MAST4: variants seen among roughly 807,000 people sequenced by gnomAD.
The protein encoded by MAST4 is microtubule-associated serine/threonine-protein kinase 4.
Under a neutral mutation model 162.7 loss-of-function variants are expected in MAST4, and 89 were observed. The ratio of observed to expected loss-of-function variants is 0.55; its 90% CI spans 0.46 to 0.65. The LOEUF (loss-of-function observed/expected upper bound fraction) is 0.65, where lower values mean the gene tolerates loss of function less well. Ranked by LOEUF, MAST4 falls within the 30% of genes least tolerant of loss-of-function variation. The pLI, the probability that MAST4 is intolerant of heterozygous loss-of-function variation, is 0.00. For missense variants in MAST4, 3,153 were observed against 3,374.0 expected (o/e 0.93, Z 1.62); for synonymous variants, 1,479 against 1,361.1 (o/e 1.09, Z -1.91).
chr5:67,103,511 G>C (rs77078051), intron 9 of MAST4, among the ~76,000 whole-genome samples: 2,188 of 152,318 alleles, frequency 0.014, 49 homozygotes, highest in African/African-American at 0.047. Context: ...GGATATTAGA[G>C]GGGAGGAGGA....
intron 4 of MAST4, among the ~76,000 whole-genome samples, chr5:67,013,886 A>G (rs1222071410): frequency 1.3e-5 from 2 of 152,206 alleles, no homozygotes; most frequent in Non-Finnish European, 2.9e-5. Context: ...GTTACTGTAA[A>G]ACAATAGGCA....
In MAST4 at chr5:66,942,713, C is replaced by T. The variant is rs556245275; in HGVS notation, c.674+42731C>T. 5.3e-5 allele frequency among the ~76,000 whole-genome samples: 8 copies of T among 151,996 alleles called. No homozygotes were observed. In the East Asian group the frequency reaches 7.7e-4, roughly 15 times the overall value. ...CCTGTCATGATAAAGTAGCCATGAT[C>T]GATGTCATGCTTCCAATGTTTGAAT... On this transcript the variant is annotated intron_variant, in intron 4 of 28. Coordinates refer to ENST00000403625, the MANE Select transcript of MAST4 (RefSeq NM_001164664.2).
chr5:66,992,198 A>G (rs981872420), intron 4 of MAST4, among the ~76,000 whole-genome samples: 9 of 152,176 alleles, frequency 5.9e-5, no homozygotes, highest in Non-Finnish European at 8.8e-5. Flanking sequence ...TTTTCATGTA[A>G]TGCATTACCA....
At chr5:66,896,633 A>T (rs1762703437) in intron 3 of MAST4, among the ~76,000 whole-genome samples, 1 of 152,254 alleles carries the variant, frequency 6.6e-6, no homozygotes, top group African/African-American at 2.4e-5. Context: ...ATGTATAGCC[A>T]TATTGTTTTG....
intron 2 of MAST4, among the ~76,000 whole-genome samples, chr5:66,770,910 G>C (rs374303625): frequency 2.0e-5 from 3 of 152,316 alleles, no homozygotes; most frequent in East Asian, 1.9e-4. Flanking sequence ...CCCCTTTGCA[G>C]AGCAAAAGGT....
chr5:66,864,641 A>G (rs913105900), intron 3 of MAST4, among the ~76,000 whole-genome samples: 3 of 123,564 alleles, frequency 2.4e-5, no homozygotes, highest in African/African-American at 7.8e-5. Flanking sequence ...GGGTTGAATT[A>G]TGTCCCCCCC....
chr5:66,822,412 A>G (rs1230757477), intron 3 of MAST4, among the ~76,000 whole-genome samples: 2 of 152,240 alleles, frequency 1.3e-5, no homozygotes, highest in African/African-American at 2.4e-5. Flanking sequence ...GATGTGTATT[A>G]TGCCTGGCAT....
chr5:66,980,861 G>A (rs1748719020), intron 4 of MAST4, among the ~76,000 whole-genome samples: 1 of 152,152 alleles, frequency 6.6e-6, no homozygotes. Flanking sequence ...GTATTCTGGG[G>A]CAGTCAAGAA....
intron 3 of MAST4, among the ~76,000 whole-genome samples, chr5:66,798,295 T>TAC (rs980365451): frequency 9.2e-5 from 14 of 152,200 alleles, no homozygotes; most frequent in African/African-American, 3.1e-4. Context: ...TTGTTCAGGG[T>TAC]ACATCAGCTT....
At chr5:66,981,802 T>C (rs1229149474) in intron 4 of MAST4, among the ~76,000 whole-genome samples, 1 of 152,162 alleles carries the variant, frequency 6.6e-6, no homozygotes, top group Non-Finnish European at 1.5e-5. Flanking sequence ...TAGTATTGCT[T>C]CTGGAGGAGC....
intron 4 of MAST4, among the ~76,000 whole-genome samples, chr5:67,039,519 T>C (rs1398471220): frequency 2.0e-5 from 3 of 152,194 alleles, no homozygotes; most frequent in Non-Finnish European, 2.9e-5. Context: ...TGTGTTATCC[T>C]GGAGCTTGGA....
chr5:66,926,095 T>G (rs1017396878), intron 4 of MAST4, among the ~76,000 whole-genome samples: 1 of 152,142 alleles, frequency 6.6e-6, no homozygotes, highest in African/African-American at 2.4e-5. Flanking sequence ...GCATAGGTGA[T>G]GTAGGCTCTC....
At chr5:66,799,043 A>C (rs1755788263) in intron 3 of MAST4, among the ~76,000 whole-genome samples, 2 of 152,090 alleles carry the variant, frequency 1.3e-5, no homozygotes, top group Non-Finnish European at 2.9e-5. Flanking sequence ...TGTTTTCTGG[A>C]CACATTCATC....
At chr5:67,143,801 A>G (rs1561159169) in intron 21 of MAST4, among the ~76,000 whole-genome samples, 2 of 152,148 alleles carry the variant, frequency 1.3e-5, no homozygotes, top group African/African-American at 4.8e-5. Flanking sequence ...AAAGACAACA[A>G]TGCCAACCCC....
At chr5:67,153,648 A>C (rs1272878028) in intron 26 of MAST4, 68 bp downstream of exon 26, 1 of 1,424,418 alleles carries the variant, frequency 7.0e-7, no homozygotes, top group Non-Finnish European at 9.3e-7. Context: ...GTACCAGGAG[A>C]TTGATTTCCC....
chr5:67,106,503 T>C (rs2150881989), intron 10 of MAST4, among the ~76,000 whole-genome samples: 1 of 152,290 alleles, frequency 6.6e-6, no homozygotes, highest in Middle Eastern at 3.4e-3. Flanking sequence ...TAGACCTTCA[T>C]AGTTTACTTC....
chr5:66,609,117 A>G (rs2149391500), intron 1 of MAST4, among the ~76,000 whole-genome samples: 1 of 150,774 alleles, frequency 6.6e-6, no homozygotes, highest in Admixed American at 6.6e-5. Context: ...GGCTCCAAAC[A>G]GAAAGACTTG....
intron 5 of MAST4, among the ~76,000 whole-genome samples, chr5:67,086,486 T>C (rs1306301040): frequency 1.3e-5 from 2 of 152,220 alleles, no homozygotes; most frequent in Non-Finnish European, 2.9e-5. Context: ...GTTTATGTAT[T>C]AGCCATGCTA....
chr5:66,856,901 G>C (rs1214507478), intron 3 of MAST4, among the ~76,000 whole-genome samples: 2 of 152,172 alleles, frequency 1.3e-5, no homozygotes, highest in African/African-American at 4.8e-5. Context: ...GAATAACATA[G>C]AGAATGATAT....
Sources: allele counts gnomAD v4.1 joint callset (sites outside exome capture counted in the v4.1 genomes callset), GRCh38; gene constraint gnomAD v4.1.1; transcripts MANE v1.5; gene names NCBI Gene and HGNC (gene_info 2026-07-23, HGNC 2026-07-21).